MAPRE2: variants seen among roughly 807,000 people sequenced by gnomAD.
MAPRE2 encodes the protein microtubule-associated protein RP/EB family member 2.
A neutral mutation model predicts 43.2 loss-of-function variants in MAPRE2; 13 were observed. The ratio of observed to expected loss-of-function variants is 0.30; its 90% confidence interval spans 0.20 to 0.48. The LOEUF is 0.48. MAPRE2 is among the 20% of genes least tolerant of loss of function. MAPRE2 has a pLI of 0.99. For synonymous variants in MAPRE2, 135 were observed against 148.8 expected (o/e 0.91, Z 0.68); for missense variants, 161 against 400.2 (o/e 0.40, Z 5.10).
chr18:35,026,320 C>T (rs1047585822), intron 2 of MAPRE2, among the ~76,000 whole-genome samples: 2 of 152,046 alleles, frequency 1.3e-5, no homozygotes, highest in African/African-American at 4.8e-5. Flanking sequence ...GAGAGGGAGC[C>T]AAGTAGGAGA....
At chr18:35,013,883 A>T (rs974071329) in intron 2 of MAPRE2, among the ~76,000 whole-genome samples, 1 of 152,084 alleles carries the variant, frequency 6.6e-6, no homozygotes, top group Non-Finnish European at 1.5e-5. Flanking sequence ...CATTGTGTGT[A>T]TATACTACAT....
intron 4 of MAPRE2, among the ~76,000 whole-genome samples, chr18:35,113,271 G>T (rs977168329): frequency 6.6e-6 from 1 of 152,156 alleles, no homozygotes; most frequent in Non-Finnish European, 1.5e-5. Context: ...AAGAATTCTG[G>T]AGTTTCAAAT....
chr18:34,995,004 C>T (rs1330330589), intron 1 of MAPRE2, among the ~76,000 whole-genome samples: 1 of 152,218 alleles, frequency 6.6e-6, no homozygotes, highest in East Asian at 1.9e-4. Context: ...ATGTTAACCT[C>T]TAACCAACTC....
At chr18:35,018,944 G>A (rs1165697981) in intron 2 of MAPRE2, among the ~76,000 whole-genome samples, 1 of 151,808 alleles carries the variant, frequency 6.6e-6, no homozygotes, top group African/African-American at 2.4e-5. Context: ...TCTTTTTGAG[G>A]TAGGCATTTA....
At chr18:35,048,529 A>C (rs1259163069) in intron 1 of MAPRE2, among the ~76,000 whole-genome samples, 1 of 150,316 alleles carries the variant, frequency 6.7e-6, no homozygotes, top group Non-Finnish European at 1.5e-5. Context: ...GTATTAACAC[A>C]TATACTACAT....
chr18:35,111,958 T>C (rs1028609802), intron 4 of MAPRE2, among the ~76,000 whole-genome samples: 1 of 152,202 alleles, frequency 6.6e-6, no homozygotes, highest in African/African-American at 2.4e-5. Flanking sequence ...GCCTACTTGA[T>C]ACTGCTATTT....
At chr18:35,034,768 C>T (rs952821489) in intron 2 of MAPRE2, among the ~76,000 whole-genome samples, 6 of 152,192 alleles carry the variant, frequency 3.9e-5, no homozygotes, top group African/African-American at 1.4e-4. Flanking sequence ...AAAATGCTCA[C>T]CATCACTGGC....
chr18:35,063,233 A>T (rs1404515157), intron 1 of MAPRE2, among the ~76,000 whole-genome samples: 1 of 152,014 alleles, frequency 6.6e-6, no homozygotes, highest in African/African-American at 2.4e-5. Flanking sequence ...CCTCCTGAGT[A>T]GCTGGGACTA....
At chr18:34,983,310 A>G (rs2097017347) in intron 1 of MAPRE2, among the ~76,000 whole-genome samples, 1 of 152,220 alleles carries the variant, frequency 6.6e-6, no homozygotes, top group African/African-American at 2.4e-5. Flanking sequence ...AATTTTAGTG[A>G]TACGGTCAAC....
chr18:35,098,930 G>C (rs1347966565), intron 3 of MAPRE2, among the ~76,000 whole-genome samples: 2 of 152,198 alleles, frequency 1.3e-5, no homozygotes, highest in African/African-American at 4.8e-5. Context: ...TCTAGCTTTA[G>C]TATGCAGTGA....
chr18:35,034,784 C>G (rs984188517), intron 2 of MAPRE2, among the ~76,000 whole-genome samples: 28 of 152,190 alleles, frequency 1.8e-4, no homozygotes, highest in African/African-American at 5.1e-4. Context: ...CTGGCCATCA[C>G]AGAAATGCAA....
intron 1 of MAPRE2, among the ~76,000 whole-genome samples, chr18:35,059,750 T>C (rs1284607934): frequency 6.6e-6 from 1 of 152,184 alleles, no homozygotes; most frequent in Admixed American, 6.5e-5. Context: ...AAGCATGAGA[T>C]GCAGCCAACC....
chr18:34,978,287 G>T, intron 1 of MAPRE2: 1 of 596,470 alleles, frequency 1.7e-6, no homozygotes, highest in Non-Finnish European at 3.0e-6. Context: ...ATACTATCGT[G>T]CTGTCAATGT....
intron 1 of MAPRE2, among the ~76,000 whole-genome samples, chr18:35,054,538 C>G (rs1328171522): frequency 6.6e-6 from 1 of 152,176 alleles, no homozygotes. Flanking sequence ...CTGGTTGGGA[C>G]TGAGTGGACC....
chr18:35,081,185 C>A (rs1456467312), intron 2 of MAPRE2, among the ~76,000 whole-genome samples: 3 of 152,170 alleles, frequency 2.0e-5, no homozygotes, highest in Admixed American at 2.0e-4. Flanking sequence ...AAAAACCTCA[C>A]AGAAATCTTT....
At chr18:34,995,531 T>C (rs1452093991) in intron 1 of MAPRE2, among the ~76,000 whole-genome samples, 1 of 152,142 alleles carries the variant, frequency 6.6e-6, no homozygotes, top group Non-Finnish European at 1.5e-5. Context: ...AGTTAATCAA[T>C]TAAATACATA....
At chr18:34,984,503 A>G (rs2097018001) in intron 1 of MAPRE2, 1 of 151,874 alleles carries the variant, frequency 6.6e-6, no homozygotes, top group Admixed American at 6.6e-5. Flanking sequence ...CATCAGCTAA[A>G]TTATTTCTAA....
intron 2 of MAPRE2, among the ~76,000 whole-genome samples, chr18:35,013,872 G>A (rs2097036423): frequency 6.6e-6 from 1 of 152,012 alleles, no homozygotes; most frequent in Non-Finnish European, 1.5e-5. Context: ...CTTTTTCATG[G>A]CATTGTGTGT....
At chr18:35,050,442 C>T (rs1905878082) in intron 1 of MAPRE2, among the ~76,000 whole-genome samples, 1 of 152,138 alleles carries the variant, frequency 6.6e-6, no homozygotes, top group South Asian at 2.1e-4. Flanking sequence ...TTTGAGGTTT[C>T]ACACATAGCA....
Sources: allele counts gnomAD v4.1 joint callset (sites outside exome capture counted in the v4.1 genomes callset), GRCh38; gene constraint gnomAD v4.1.1; transcripts MANE v1.5; gene names NCBI Gene and HGNC (gene_info 2026-07-23, HGNC 2026-07-21).